The following TARS3 variants were observed in gnomAD, a reference collection of about 807,000 sequenced individuals.
TARS3 encodes the protein threonyl-tRNA synthetase 3.
Under a neutral mutation model 103.5 loss-of-function variants are expected in TARS3, and 94 were observed. That is an observed-to-expected ratio of 0.91 (90% CI 0.77 to 1.08). The LOEUF (loss-of-function observed/expected upper bound fraction) is 1.08. TARS3 is among the 50% of genes least tolerant of loss of function. TARS3 has a pLI of 0.00. For missense variants in TARS3, 952 were observed against 995.2 expected (o/e 0.96, Z 0.58); for synonymous variants, 416 against 355.4 (o/e 1.17, Z -1.92).
At chr15:101,722,533 G>T (rs1464330001) in intron 2 of TARS3, among the ~76,000 whole-genome samples, 3 of 147,492 alleles carry the variant, frequency 2.0e-5, no homozygotes, top group Non-Finnish European at 3.0e-5. Flanking sequence ...AAGACCGGGG[G>T]CGGTGGCTCA....
At chr15:101,701,591 C>A (rs1180800064) in intron 9 of TARS3, among the ~76,000 whole-genome samples, 3 of 152,156 alleles carry the variant, frequency 2.0e-5, no homozygotes, top group Admixed American at 1.3e-4. Context: ...TCACAGCCAC[C>A]CTGCAAGGCT....
chr15:101,690,709 A>G (rs1596307775), intron 10 of TARS3, among the ~76,000 whole-genome samples: 1 of 152,226 alleles, frequency 6.6e-6, no homozygotes, highest in East Asian at 1.9e-4. Context: ...TCTACTATTG[A>G]GAAACATTAG....
intron 15 of TARS3, chr15:101,664,096 T>G (rs1160924907): frequency 6.6e-6 from 1 of 152,190 alleles, no homozygotes; most frequent in Non-Finnish European, 1.5e-5. Flanking sequence ...CAGTTCTTCC[T>G]CCAAAATACA....
chr15:101,673,883 T>C (rs567307835), intron 13 of TARS3, among the ~76,000 whole-genome samples: 1 of 152,312 alleles, frequency 6.6e-6, no homozygotes, highest in South Asian at 2.1e-4. Flanking sequence ...TGTTATACTA[T>C]TAATCCAGGG....
At chr15:101,666,910 G>A (rs574298593) in intron 15 of TARS3, among the ~76,000 whole-genome samples, 2 of 152,316 alleles carry the variant, frequency 1.3e-5, no homozygotes, top group South Asian at 4.1e-4. Context: ...TTATGAGGTT[G>A]TTAATGTATA....
chr15:101,690,594 T>C (rs1402199162), intron 10 of TARS3, among the ~76,000 whole-genome samples: 1 of 152,224 alleles, frequency 6.6e-6, no homozygotes, highest in African/African-American at 2.4e-5. Context: ...CAGTTTTCAA[T>C]GGTGAGGTAT....
chr15:101,714,113 G>A (rs1312631887), intron 4 of TARS3, among the ~76,000 whole-genome samples: 1 of 152,172 alleles, frequency 6.6e-6, no homozygotes, highest in Non-Finnish European at 1.5e-5. Context: ...ACATGCATAT[G>A]TGAAAAATGT....
At chr15:101,675,535 C>T (rs1256194842) in intron 13 of TARS3, 65 bp downstream of exon 13, 1 of 1,491,042 alleles carries the variant, frequency 6.7e-7, no homozygotes, top group Non-Finnish European at 9.1e-7. Context: ...CCTGTGAAGA[C>T]TGCAGCCTCT....
At chr15:101,673,920 G>T (rs1009290717) in intron 13 of TARS3, among the ~76,000 whole-genome samples, 5 of 151,994 alleles carry the variant, frequency 3.3e-5, no homozygotes, top group Non-Finnish European at 7.4e-5. Flanking sequence ...TTCTCATATT[G>T]GTGTGTTAAG....
intron 18 of TARS3, 96 bp downstream of exon 18, chr15:101,656,823 CATG>C: frequency 1.4e-6 from 1 of 723,766 alleles, no homozygotes; most frequent in Admixed American, 2.6e-5. Context: ...ATAGACAAAT[CATG>C]ATAATCAAGT....
chr15:101,700,228 G>A (rs1019124105), intron 10 of TARS3, among the ~76,000 whole-genome samples: 2 of 152,100 alleles, frequency 1.3e-5, no homozygotes, highest in African/African-American at 2.4e-5. Flanking sequence ...TAGTCCACCC[G>A]GATCACCTGT....
intron 3 of TARS3, 85 bp downstream of exon 3, chr15:101,721,041 A>G (rs1900428669): frequency 2.6e-6 from 3 of 1,136,440 alleles, no homozygotes; most frequent in Non-Finnish European, 3.8e-6. Flanking sequence ...ATGGAGTAAT[A>G]TATTAGCGGT....
intron 12 of TARS3, among the ~76,000 whole-genome samples, chr15:101,679,447 T>C (rs1898164324): frequency 6.6e-6 from 1 of 152,234 alleles, no homozygotes; most frequent in Admixed American, 6.5e-5. Flanking sequence ...AATTTCCATT[T>C]GGTTCTTCTT....
At chr15:101,715,653 T>A (rs1268979276) in intron 3 of TARS3, among the ~76,000 whole-genome samples, 1 of 152,208 alleles carries the variant, frequency 6.6e-6, no homozygotes, top group Non-Finnish European at 1.5e-5. Context: ...TTTTCTGTCA[T>A]GCCTCAGATT....
intron 10 of TARS3, among the ~76,000 whole-genome samples, chr15:101,688,859 C>T (rs1390946156): frequency 6.6e-6 from 1 of 152,210 alleles, no homozygotes; most frequent in Non-Finnish European, 1.5e-5. Context: ...CTTCGCATTA[C>T]TAAGGCATTG....
intron 15 of TARS3, among the ~76,000 whole-genome samples, chr15:101,669,197 G>T (rs185239865): frequency 1.3e-5 from 2 of 152,202 alleles, no homozygotes; most frequent in East Asian, 1.9e-4. Context: ...GAATGTGTTT[G>T]TGTCTTAGTT....
intron 10 of TARS3, among the ~76,000 whole-genome samples, chr15:101,686,853 A>T (rs1898496242): frequency 6.6e-6 from 1 of 151,294 alleles, no homozygotes; most frequent in Non-Finnish European, 1.5e-5. Flanking sequence ...GATTCTCAAC[A>T]TTTGTAAACC....
At chr15:101,679,869 CT>C in intron 12 of TARS3, among the ~76,000 whole-genome samples, 1 of 152,316 alleles carries the variant, frequency 6.6e-6, no homozygotes, top group African/African-American at 2.4e-5. Context: ...GGGAGAGGAG[CT>C]CCTCGTTACT....
intron 10 of TARS3, among the ~76,000 whole-genome samples, chr15:101,691,714 A>G (rs955894386): frequency 2.0e-5 from 3 of 151,924 alleles, no homozygotes; most frequent in Non-Finnish European, 4.4e-5. Context: ...ACTTAACAAA[A>G]CTCCCTGATA....
Sources: gnomAD v4.1 joint callset for allele counts (sites outside exome capture counted in the v4.1 genomes callset) on GRCh38, gnomAD v4.1.1 for gene constraint, MANE v1.5 for transcripts, NCBI Gene and HGNC (gene_info 2026-07-23, HGNC 2026-07-21) for gene names.